The following SCAND3 variants were observed in gnomAD, a reference collection of about 807,000 sequenced individuals.
SCAND3 encodes the protein SCAN domain containing 3, also known as SCAN domain-containing protein 3.
the SCAND3 span, among the ~76,000 whole-genome samples, chr6:28,576,878 G>A: frequency 6.7e-6 from 1 of 149,008 alleles, no homozygotes; most frequent in Non-Finnish European, 1.5e-5. Context: ...CTAAAATGCT[G>A]GGATTACAGG....
At chr6:28,588,718 T>A in the SCAND3 span, among the ~76,000 whole-genome samples, 1 of 152,206 alleles carries the variant, frequency 6.6e-6, no homozygotes, top group Admixed American at 6.5e-5. The surrounding 1 kb of genome is among the most constrained non-coding windows in gnomAD (Gnocchi z 4.1). Context: ...GTTACTGGGC[T>A]TTTTTGGTTT....
chr6:28,587,479 C>A, the SCAND3 span: 2 of 152,230 alleles, frequency 1.3e-5, no homozygotes, highest in Admixed American at 6.5e-5. Flanking sequence ...TCTGGCATCA[C>A]GGTGAAAAGA....
chr6:28,599,934 TA>T, the SCAND3 span, among the ~76,000 whole-genome samples: 4,956 of 144,590 alleles, frequency 0.034, 116 homozygotes, highest in African/African-American at 0.064. Flanking sequence ...ATCCATATGT[TA>T]AAAAAAAAAA....
At chr6:28,595,760 T>C in the SCAND3 span, among the ~76,000 whole-genome samples, 1 of 151,536 alleles carries the variant, frequency 6.6e-6, no homozygotes, top group Admixed American at 6.6e-5. Flanking sequence ...TCTAGATGAA[T>C]GGATATAACA....
the SCAND3 span, chr6:28,589,569 A>AC: frequency 6.6e-6 from 1 of 152,092 alleles, no homozygotes; most frequent in Non-Finnish European, 1.5e-5. Context: ...CACGGTATTG[A>AC]ACTCTCCCCT....
chr6:28,606,461 T>A, the SCAND3 span, among the ~76,000 whole-genome samples: 1 of 152,082 alleles, frequency 6.6e-6, no homozygotes, highest in Non-Finnish European at 1.5e-5. Flanking sequence ...TACAGATTGG[T>A]CGCCAAGCAA....
At chr6:28,602,252 C>G in the SCAND3 span, among the ~76,000 whole-genome samples, 1 of 152,178 alleles carries the variant, frequency 6.6e-6, no homozygotes, top group Non-Finnish European at 1.5e-5. Flanking sequence ...CTCTGTCACC[C>G]AGGCTGGAGT....
chr6:28,574,562 C>T, the SCAND3 span: 38 of 1,267,912 alleles, frequency 3.0e-5, no homozygotes, highest in Admixed American at 6.2e-4. Context: ...CTTTCATATA[C>T]CTTGTCACAC....
the SCAND3 span, chr6:28,587,567 A>T: frequency 6.6e-6 from 1 of 152,202 alleles, no homozygotes; most frequent in African/African-American, 2.4e-5. Flanking sequence ...CATCGCTGGC[A>T]CTCAGACCCG....
chr6:28,579,287 G>C, the SCAND3 span: 84 of 1,613,290 alleles, frequency 5.2e-5, no homozygotes, highest in Admixed American at 3.8e-4. This position sits in a 1 kb window ranked among gnomAD's most constrained non-coding sequence, Gnocchi z 4.5. Context: ...TCTTGAAGTG[G>C]GTGTGGCTCT....
chr6:28,608,329 A>G, the SCAND3 span, among the ~76,000 whole-genome samples: 2 of 152,158 alleles, frequency 1.3e-5, no homozygotes, highest in African/African-American at 4.8e-5. Flanking sequence ...AGCCTTTTGC[A>G]GCCTCCATTT....
At chr6:28,603,402 C>T in the SCAND3 span, among the ~76,000 whole-genome samples, 1 of 152,166 alleles carries the variant, frequency 6.6e-6, no homozygotes, top group African/African-American at 2.4e-5. Flanking sequence ...CATGAAGATG[C>T]TTGTTAACAT....
At chr6:28,573,754 T>C in the SCAND3 span, 1 of 1,597,698 alleles carries the variant, frequency 6.3e-7, no homozygotes, top group East Asian at 2.2e-5. Flanking sequence ...AACATTTCTT[T>C]TATTACTACT....
chr6:28,610,161 T>C, the SCAND3 span, among the ~76,000 whole-genome samples: 1 of 152,182 alleles, frequency 6.6e-6, no homozygotes, highest in African/African-American at 2.4e-5. Flanking sequence ...TAAGGCTTTT[T>C]TCCCCCCAGG....
chr6:28,603,029 C>T, the SCAND3 span, among the ~76,000 whole-genome samples: 26 of 132,062 alleles, frequency 2.0e-4, no homozygotes, highest in African/African-American at 7.9e-4. Context: ...GTGGCGCGAT[C>T]TCGGCTCACT....
At chr6:28,575,614 G>A in the SCAND3 span, 1 of 1,614,044 alleles carries the variant, frequency 6.2e-7, no homozygotes. This position sits in a 1 kb window ranked among gnomAD's most constrained non-coding sequence, Gnocchi z 4.2. Context: ...TGATTTTGAT[G>A]TTAGAACCTT....
At chr6:28,602,285 C>T in the SCAND3 span, among the ~76,000 whole-genome samples, 3 of 152,192 alleles carry the variant, frequency 2.0e-5, no homozygotes, top group African/African-American at 7.2e-5. Context: ...TCTCAGCTCA[C>T]TGAAACCTTG....
the SCAND3 span, chr6:28,571,531 T>A: frequency 5.2e-6 from 1 of 191,020 alleles, no homozygotes; most frequent in South Asian, 1.3e-4. Flanking sequence ...ATTCACTTCC[T>A]TTCACTGACC....
chr6:28,610,471 C>G, the SCAND3 span, among the ~76,000 whole-genome samples: 1 of 151,590 alleles, frequency 6.6e-6, no homozygotes, highest in Non-Finnish European at 1.5e-5. Context: ...TGCAGTGAGC[C>G]GAGATCGCAC....
Sources: gnomAD v4.1 joint callset for allele counts (sites outside exome capture counted in the v4.1 genomes callset) on GRCh38, gnomAD v4.1.1 for gene constraint, Gnocchi (gnomAD v3.1) non-coding constraint, MANE v1.5 for transcripts, NCBI Gene and HGNC (gene_info 2026-07-23, HGNC 2026-07-21) for gene names.